Variants in IFT88 observed in about 807,000 individuals in gnomAD.
IFT88 encodes intraflagellar transport 88, also known as intraflagellar transport protein 88 homolog.
Under a neutral mutation model 119.5 loss-of-function variants are expected in IFT88, and 74 were observed. That is an observed-to-expected ratio of 0.62 (90% confidence interval 0.51 to 0.75). IFT88 has a LOEUF of 0.75. IFT88 is among the 30% of genes least tolerant of loss of function. The pLI, the probability that IFT88 is intolerant of heterozygous loss-of-function variation, is 0.00. For synonymous variants in IFT88, 279 were observed against 316.7 expected, an observed-to-expected ratio of 0.88 and a Z score of 1.26; for missense variants, 961 against 977.7, an observed-to-expected ratio of 0.98 and a Z score of 0.23.
At chr13:20,571,873 G>A (rs2036424769) in intron 1 of IFT88, among the ~76,000 whole-genome samples, 1 of 152,160 alleles carries the variant, frequency 6.6e-6, no homozygotes, top group South Asian at 2.1e-4. Flanking sequence ...AGTTTCAGCA[G>A]CCAGACTTGC....
intron 21 of IFT88, among the ~76,000 whole-genome samples, 200 bp from the exon 22 acceptor site, chr13:20,656,165 A>G (rs2052759840): frequency 6.7e-6 from 1 of 150,108 alleles, no homozygotes; most frequent in Admixed American, 6.7e-5. Context: ...GCTATCACCC[A>G]TTTACTTCTG....
chr13:20,624,903 A>G (rs185426128), intron 14 of IFT88, among the ~76,000 whole-genome samples: 93 of 152,316 alleles, frequency 6.1e-4, no homozygotes, highest in Non-Finnish European at 1.1e-3. Flanking sequence ...TTGTAGTGAA[A>G]ACACTTAAAA....
At position 20,598,692 on chromosome 13, in the gene IFT88, G is replaced by T; in HGVS notation, c.636G>T (p.Met212Ile). Residue 212 changes from methionine (M) to isoleucine (I), a missense_variant, in exon 10 of 26, where the codon ATG becomes ATT. Physicochemically the swap from Met to Ile is conservative, Grantham distance 10 (BLOSUM62 1). Coordinates refer to ENST00000351808, the MANE Select transcript of IFT88 (RefSeq NM_006531.5). ...CCAGTCAGTATTCAGTTAATGAAATGTATGCCGAAGCACTTAACACTTATC... is the reference window on the plus strand; with the variant it reads ...CCAGTCAGTATTCAGTTAATGAAATTTATGCCGAAGCACTTAACACTTATC... ...NLASQYSVNE[M>I]YAEALNTYQV... 1 of 1,611,302 alleles carries T rather than the reference G, an allele frequency of 6.2e-7. No individual in the cohort carries two copies. Among genetic ancestry groups the T allele is most frequent in the South Asian group, 1.1e-5 (1 of 90,950 alleles).
chr13:20,678,796 A>G (rs192096830), intron 24 of IFT88, among the ~76,000 whole-genome samples: 223 of 152,280 alleles, frequency 1.5e-3, no homozygotes, highest in African/African-American at 4.8e-3. Context: ...GCAAAGCGAT[A>G]AAGACAAAGG....
intron 1 of IFT88, chr13:20,567,880 T>A (rs934625161): frequency 1.4e-6 from 1 of 729,898 alleles, no homozygotes; most frequent in African/African-American, 1.8e-5. Context: ...TTTTTTTTTT[T>A]CGAGAAACTG....
chr13:20,576,222 A>AT (rs60239060), intron 2 of IFT88, among the ~76,000 whole-genome samples: 2 of 151,648 alleles, frequency 1.3e-5, no homozygotes, highest in East Asian at 1.9e-4. Context: ...AGATTATTAG[A>AT]TTTTTTCCTA....
intron 22 of IFT88, among the ~76,000 whole-genome samples, chr13:20,658,752 C>T (rs137864142): frequency 1.4e-3 from 212 of 152,266 alleles, no homozygotes; most frequent in African/African-American, 4.5e-3. Flanking sequence ...GATATGAAAA[C>T]CAGAAATGTC....
intron 15 of IFT88, 48 bp downstream of exon 15, chr13:20,625,897 C>T: frequency 1.0e-6 from 1 of 954,328 alleles, no homozygotes; most frequent in Non-Finnish European, 1.6e-6. Context: ...CTTAATTGGT[C>T]AAAGCATTAA....
At chr13:20,687,503 C>A (rs1339414464) in intron 24 of IFT88, among the ~76,000 whole-genome samples, 3 of 152,182 alleles carry the variant, frequency 2.0e-5, no homozygotes, top group East Asian at 3.8e-4. Flanking sequence ...GATCTTGTCA[C>A]CAACTATGCA....
intron 1 of IFT88, chr13:20,567,781 G>C: frequency 7.5e-7 from 1 of 1,335,320 alleles, no homozygotes; most frequent in Non-Finnish European, 9.6e-7. Context: ...TTCCAAAAAC[G>C]TGAAGTACTG....
At chr13:20,585,160 T>G (rs540995033) in intron 3 of IFT88, among the ~76,000 whole-genome samples, 1 of 152,142 alleles carries the variant, frequency 6.6e-6, no homozygotes, top group Non-Finnish European at 1.5e-5. Flanking sequence ...TTCCTTGCAA[T>G]GAGTTTGGCT....
At chr13:20,645,096 G>C (rs570742036) in intron 20 of IFT88, 138 bp downstream of exon 20, 9 of 520,912 alleles carry the variant, frequency 1.7e-5, no homozygotes, top group African/African-American at 1.4e-4. Flanking sequence ...TTGTTTGTTT[G>C]TTGTTTGTTT....
chr13:20,567,954 A>G (rs1208986754), intron 1 of IFT88: 3 of 707,238 alleles, frequency 4.2e-6, no homozygotes, highest in Non-Finnish European at 7.8e-6. Context: ...CCACATCGGA[A>G]GAAGAATTGT....
At chr13:20,646,469 A>ATTTTTG (rs10531870) in intron 20 of IFT88, among the ~76,000 whole-genome samples, 27 of 149,882 alleles carry the variant, frequency 1.8e-4, no homozygotes, top group African/African-American at 5.9e-4. Context: ...CACCCGGCTA[A>ATTTTTG]TTTTTGTTTT....
intron 13 of IFT88, chr13:20,607,942 G>A (rs1346090920): frequency 3.1e-6 from 2 of 639,752 alleles, no homozygotes. Flanking sequence ...CAAGTAAGAT[G>A]CAAACCAGCA....
At chr13:20,581,627 G>A (rs528003910) in intron 2 of IFT88, among the ~76,000 whole-genome samples, 4 of 152,214 alleles carry the variant, frequency 2.6e-5, no homozygotes, top group African/African-American at 7.2e-5. Context: ...AGGAGGCTCA[G>A]GGGTGGATCA....
chr13:20,654,901 A>G (rs2052475697), intron 21 of IFT88, among the ~76,000 whole-genome samples: 1 of 152,178 alleles, frequency 6.6e-6, no homozygotes, highest in African/African-American at 2.4e-5. Flanking sequence ...AGCCTGCTTC[A>G]GTTATGGAAG....
At chr13:20,619,068 G>A (rs2046103180) in intron 14 of IFT88, among the ~76,000 whole-genome samples, 1 of 151,976 alleles carries the variant, frequency 6.6e-6, no homozygotes, top group Admixed American at 6.6e-5. Context: ...GTGTTAGCCA[G>A]GATGGTCTCG....
intron 14 of IFT88, among the ~76,000 whole-genome samples, chr13:20,623,089 G>A (rs966137911): frequency 6.6e-6 from 1 of 152,138 alleles, no homozygotes. Flanking sequence ...TCACTGAATA[G>A]CGTTGGCATC....
Sources: allele counts gnomAD v4.1 joint callset (sites outside exome capture counted in the v4.1 genomes callset), GRCh38; gene constraint gnomAD v4.1.1; transcripts MANE v1.5; gene names NCBI Gene and HGNC (gene_info 2026-07-23, HGNC 2026-07-21).